Variants in NUDT3 observed in about 807,000 individuals in gnomAD.
The protein encoded by NUDT3 is diphosphoinositol polyphosphate phosphohydrolase 1.
Under a neutral mutation model 23.6 loss-of-function variants are expected in NUDT3, and 9 were observed. The observed-to-expected ratio is 0.38, with a 90% confidence interval of 0.23 to 0.66. The LOEUF (loss-of-function observed/expected upper bound fraction) is 0.66. Among genes scored for constraint, NUDT3 ranks in the 30% least tolerant of loss-of-function variants. NUDT3 has a pLI of 0.52. For missense variants in NUDT3, 172 were observed against 218.5 expected (o/e 0.79, Z 1.34); for synonymous variants, 86 against 82.6 (o/e 1.04, Z -0.22).
At chr6:34,295,492 G>A in intron 3 of NUDT3, 149 bp downstream of exon 3, 1 of 857,090 alleles carries the variant, frequency 1.2e-6, no homozygotes, top group African/African-American at 1.7e-5. Flanking sequence ...CTGCACTCCA[G>A]CCTGGGCGAG....
At chr6:34,329,343 C>T (rs996120472) in intron 2 of NUDT3, among the ~76,000 whole-genome samples, 7 of 152,116 alleles carry the variant, frequency 4.6e-5, no homozygotes, top group Non-Finnish European at 7.4e-5. Flanking sequence ...TGCAATGGCG[C>T]GATCTCAGCT....
At chr6:34,317,382 AG>A (rs1270789284) in intron 2 of NUDT3, among the ~76,000 whole-genome samples, 12 of 152,048 alleles carry the variant, frequency 7.9e-5, no homozygotes, top group Non-Finnish European at 1.5e-4. Flanking sequence ...AGATTGGGAG[AG>A]ATCACCAAGG....
intron 1 of NUDT3, among the ~76,000 whole-genome samples, chr6:34,367,415 GA>G (rs1764754308): frequency 6.6e-6 from 1 of 151,794 alleles, no homozygotes; most frequent in East Asian, 2.0e-4. Flanking sequence ...CTGGGAGGCG[GA>G]GGTTGCAGCG....
chr6:34,354,412 CACACACACACACACACAT>C lies in NUDT3; in HGVS notation c.100-12458_100-12441del, dbSNP rs1299030923. On this transcript the variant is annotated intron_variant, in intron 1 of 4. Transcript: ENST00000607016. ...TTCATTAAACACACACACACACACA[CACACACACACACACACAT>C]ACACACTCTTGGCCGGGCACAGTGG... Among the ~76,000 whole-genome samples, 11 of 150,674 alleles carry C rather than the reference CACACACACACACACACAT, an allele frequency of 7.3e-5. No homozygotes were observed. In the East Asian group the frequency reaches 1.8e-3, roughly 24 times the overall value.
intron 1 of NUDT3, among the ~76,000 whole-genome samples, chr6:34,354,013 C>T (rs535786811): frequency 6.6e-6 from 1 of 152,062 alleles, no homozygotes; most frequent in African/African-American, 2.4e-5. Flanking sequence ...AGCGATTCTC[C>T]TGCCTCAGAT....
chr6:34,369,448 A>G (rs1764793588), intron 1 of NUDT3, among the ~76,000 whole-genome samples: 1 of 152,242 alleles, frequency 6.6e-6, no homozygotes, highest in African/African-American at 2.4e-5. Context: ...GACTTGTGTC[A>G]GACTTTTGTC....
At chr6:34,315,958 T>C (rs1369913722) in intron 2 of NUDT3, among the ~76,000 whole-genome samples, 2 of 152,230 alleles carry the variant, frequency 1.3e-5, no homozygotes, top group African/African-American at 4.8e-5. Context: ...CTCGTCATCC[T>C]GGTTAAAAAC....
rs973491620 is a variant in NUDT3, at chr6:34,358,084, T to G, written c.100-16112A>C. On this transcript the variant is annotated intron_variant, in intron 1 of 4. Coordinates refer to ENST00000607016, the MANE Select transcript of NUDT3 (RefSeq NM_006703.4). ...TACCTATTCGGTTCTATTGATTCAT[T>G]TGCCAATTCATGATCCAGCTTAGTA... Among the ~76,000 whole-genome samples, 3 of 152,194 alleles carry G rather than the reference T, an allele frequency of 2.0e-5. No homozygotes were observed. The East Asian group carries it at 5.8e-4, about 29-fold the overall frequency.
chr6:34,380,463 C>T (rs958112313), intron 1 of NUDT3, among the ~76,000 whole-genome samples: 1 of 152,170 alleles, frequency 6.6e-6, no homozygotes, highest in African/African-American at 2.4e-5. Flanking sequence ...AGTAATCCTC[C>T]TGCCTCAGCC....
intron 2 of NUDT3, among the ~76,000 whole-genome samples, chr6:34,314,955 A>G (rs1188363532): frequency 6.6e-6 from 1 of 152,242 alleles, no homozygotes; most frequent in African/African-American, 2.4e-5. Flanking sequence ...ATTAGAACCT[A>G]GGTGCCTCTG....
chr6:34,374,156 C>CAA lies in NUDT3; in HGVS notation c.99+18106_99+18107dup, dbSNP rs397888346. ...TGGGCGACAGAACAAGGCTCCCTCT[C>CAA]AAAAAAAAAAAAAAAAAAAAAAAAA... is the stretch of plus-strand genomic sequence containing the variant. On this transcript the variant is annotated intron_variant, in intron 1 of 4. Coordinates refer to ENST00000607016, the MANE Select transcript of NUDT3 (RefSeq NM_006703.4). 4.4e-3 allele frequency among the ~76,000 whole-genome samples: 284 copies of CAA among 64,692 alleles called. 5 individuals are homozygous for CAA. Among genetic ancestry groups the CAA allele is most frequent in the African/African-American group, 0.013 (237 of 18,736 alleles). The allele number at this position is 64,692 out of a possible 152,430, so 42.4% of individuals were successfully genotyped here.
chr6:34,318,702 A>T (rs1446220722), intron 2 of NUDT3, among the ~76,000 whole-genome samples: 1 of 152,066 alleles, frequency 6.6e-6, no homozygotes, highest in Non-Finnish European at 1.5e-5. Flanking sequence ...AGTTGTGATG[A>T]ACCTCTTGTA....
rs1262349066 is a variant in NUDT3, at chr6:34,288,694, G to T, written c.*59C>A. 1 of 1,553,636 alleles carries T rather than the reference G, an allele frequency of 6.4e-7. No homozygotes were observed. The highest frequency in any genetic ancestry group is 1.4e-5 in the African/African-American group (1 of 72,398). ...GAAGTGGAAAGAGCCAGGGTGAGAGGGAAGATTTGCACTTCAGTCTAGTTT... is the reference window on the plus strand; with the variant it reads ...GAAGTGGAAAGAGCCAGGGTGAGAGTGAAGATTTGCACTTCAGTCTAGTTT... On this transcript the variant is annotated 3_prime_UTR_variant, in exon 5 of 5. Transcript: ENST00000607016.
chr6:34,386,774 G>A (rs1354647138), intron 1 of NUDT3, among the ~76,000 whole-genome samples: 1 of 152,118 alleles, frequency 6.6e-6, no homozygotes, highest in African/African-American at 2.4e-5. Flanking sequence ...TTACTCATGT[G>A]TTTATGGTGA....
At chr6:34,344,179 C>T (rs1764329884) in intron 1 of NUDT3, among the ~76,000 whole-genome samples, 1 of 152,124 alleles carries the variant, frequency 6.6e-6, no homozygotes, top group Non-Finnish European at 1.5e-5. Context: ...GATCTAGTAA[C>T]TCCACTGCTA....
intron 1 of NUDT3, among the ~76,000 whole-genome samples, chr6:34,384,551 T>C (rs1218607880): frequency 1.3e-5 from 2 of 152,078 alleles, no homozygotes; most frequent in African/African-American, 2.4e-5. Context: ...ACAGAGGCTC[T>C]AAAAAAGGAA....
rs1401724635 is a variant in NUDT3, at chr6:34,280,084, C to CA, written c.*8668_*8669insT. 6.6e-6 allele frequency: 1 copy of CA among 152,278 alleles called. No homozygotes were observed. Among genetic ancestry groups the CA allele is most frequent in the Non-Finnish European group, 1.5e-5 (1 of 68,112 alleles). 9.4% of individuals were successfully genotyped at this position (152,278 alleles called of 1,614,324 possible). A position where few individuals can be genotyped will look rare whatever the true frequency, so the allele number is the denominator to read the frequency against. The stretch of plus-strand genomic sequence containing the variant: ...TTTCTTCTCAGCCCTCCTCCACAGC[C>CA]TGACTGTACTGCCAGCCGCACCCAT... On this transcript the variant is annotated 3_prime_UTR_variant, in exon 5 of 5. Transcript: ENST00000607016.
chr6:34,302,196 T>G (rs1763608232), intron 2 of NUDT3, among the ~76,000 whole-genome samples: 2 of 138,568 alleles, frequency 1.4e-5, no homozygotes, highest in South Asian at 4.5e-4. Context: ...CACAACTGGC[T>G]TTTTTTTTTT....
At position 34,285,779 on chromosome 6, in the gene NUDT3, A is replaced by C. The variant is rs564906373; in HGVS notation, c.*2974T>G. The C allele has an allele frequency of 2.0e-5, 3 of 152,382 alleles. No homozygotes were observed. The East Asian group carries it at 5.8e-4, about 29-fold the overall frequency. The allele number at this position is 152,382 out of a possible 1,614,324, so 9.4% of individuals were successfully genotyped here. On this transcript the variant is annotated 3_prime_UTR_variant, in exon 5 of 5. Transcript: ENST00000607016. Reference sequence around the variant, plus strand: ...TACTGTGCCAAGGAGGGAAAATCCCAGATCATCAGAATCCCAGTGCAACAG... The same window carrying C: ...TACTGTGCCAAGGAGGGAAAATCCCCGATCATCAGAATCCCAGTGCAACAG...
Sources: allele counts gnomAD v4.1 joint callset (sites outside exome capture counted in the v4.1 genomes callset), GRCh38; gene constraint gnomAD v4.1.1; transcripts MANE v1.5; gene names NCBI Gene and HGNC (gene_info 2026-07-23, HGNC 2026-07-21).